CEP250: variants seen among roughly 807,000 people sequenced by gnomAD.
The protein encoded by CEP250 is centrosomal protein 250, also known as centrosome-associated protein CEP250.
A neutral mutation model predicts 315.7 loss-of-function variants in CEP250; 242 were observed. That is an observed-to-expected ratio of 0.77 (90% CI 0.69 to 0.85). The LOEUF (loss-of-function observed/expected upper bound fraction) is 0.85. Ranked by LOEUF, CEP250 falls within the 40% of genes least tolerant of loss-of-function variation. The pLI, the probability that CEP250 is intolerant of heterozygous loss-of-function variation, is 0.00. For missense variants in CEP250, 2,515 were observed against 2,886.4 expected (o/e 0.87, Z 2.95); for synonymous variants, 1,088 against 1,175.0 (o/e 0.93, Z 1.51).
At chr20:35,483,406 A>C (rs2063413742) in intron 20 of CEP250, among the ~76,000 whole-genome samples, 2 of 151,744 alleles carry the variant, frequency 1.3e-5, no homozygotes, top group African/African-American at 4.8e-5. Context: ...AGGCTGGAGT[A>C]TAATGATACA....
At chr20:35,492,518 T>C (rs2063725871) in intron 22 of CEP250, among the ~76,000 whole-genome samples, 2 of 151,916 alleles carry the variant, frequency 1.3e-5, no homozygotes, top group Admixed American at 1.3e-4. Context: ...ATGCCTGCCA[T>C]GTGAAGAACA....
chr20:35,492,526 A>G (rs956650271), intron 22 of CEP250, among the ~76,000 whole-genome samples: 2 of 152,206 alleles, frequency 1.3e-5, no homozygotes, highest in African/African-American at 2.4e-5. Context: ...CATGTGAAGA[A>G]CACTTTAGGC....
chr20:35,467,031 A>G lies in CEP250; in HGVS notation c.558A>G (p.Thr186=), dbSNP rs1291330849. Residue 186 remains threonine (T), a synonymous_variant, in exon 8 of 35, where the codon ACA becomes ACG. Coordinates refer to ENST00000397527, the MANE Select transcript of CEP250 (RefSeq NM_007186.6). ...TCAGTCTATGGCGGGAGGTTGTGACATTCCGACGCCACTTCCTGGAAATGA... is the reference window on the plus strand; with the variant it reads ...TCAGTCTATGGCGGGAGGTTGTGACGTTCCGACGCCACTTCCTGGAAATGA... The part of the protein sequence containing the change: ...RLLSLWREVV[T]FRRHFLEMKS... The G allele has an allele frequency of 2.5e-6, 4 of 1,613,820 alleles. No individual in the cohort carries two copies. Among genetic ancestry groups the G allele is most frequent in the African/African-American group, 2.7e-5 (2 of 74,906 alleles).
chr20:35,476,302 G>A (rs978033431), intron 15 of CEP250, 147 bp from the exon 16 acceptor site: 4 of 668,190 alleles, frequency 6.0e-6, no homozygotes, highest in Non-Finnish European at 1.0e-5. Context: ...ATGAATGAAT[G>A]AAGGGAAAAC....
intron 27 of CEP250, 25 bp from the exon 28 acceptor site, chr20:35,500,024 T>C: frequency 6.2e-7 from 1 of 1,613,794 alleles, no homozygotes; most frequent in East Asian, 2.2e-5. Flanking sequence ...GGAACTCACG[T>C]TTAGCCATGC....
At chr20:35,465,499 A>G (rs1003897690) in intron 5 of CEP250, among the ~76,000 whole-genome samples, 3 of 151,998 alleles carry the variant, frequency 2.0e-5, no homozygotes, top group Admixed American at 2.0e-4. Context: ...AGTTAAGGCC[A>G]TTAGTGAAAG....
Position 35,511,686 on chromosome 20 carries a change from C to T in CEP250, c.*60C>T, listed in dbSNP as rs1802260. 1 of 1,530,468 alleles carries T rather than the reference C, an allele frequency of 6.5e-7. No homozygotes were observed. Among genetic ancestry groups the T allele is most frequent in the Admixed American group, 2.0e-5 (1 of 50,284 alleles). 94.8% of individuals were successfully genotyped at this position (1,530,468 alleles called of 1,614,324 possible). ...TGTCATGGGTCATGGCCCCTCCGCA[C>T]ACCTACAGGTTTGCCAAAGGAAAAG... is the stretch of plus-strand genomic sequence containing the variant. On this transcript the variant is annotated 3_prime_UTR_variant, in exon 35 of 35. Transcript: ENST00000397527.
At position 35,455,717 on chromosome 20, in the gene CEP250, G is replaced by A. The variant is rs1188559029; in HGVS notation, c.-332G>A. 3 of 152,216 alleles carry A rather than the reference G, an allele frequency of 2.0e-5. No individual in the cohort carries two copies. Among genetic ancestry groups the A allele is most frequent in the Non-Finnish European group, 4.4e-5 (3 of 68,066 alleles). 9.4% of individuals were successfully genotyped at this position (152,216 alleles called of 1,614,324 possible). A position where few individuals can be genotyped will look rare whatever the true frequency, so the allele number is the denominator to read the frequency against. ...GCTTCTCGGTTTTTGCACTCGCTGT[G>A]CACCGAGTTACTTTCCCGGCCCCTC... On this transcript the variant is annotated 5_prime_UTR_variant, in exon 1 of 35. Transcript: ENST00000397527.
Position 35,462,330 on chromosome 20 carries a change from C to T in CEP250, c.-38C>T. 1 of 1,524,072 alleles carries T rather than the reference C, an allele frequency of 6.6e-7. No individual in the cohort carries two copies. Among genetic ancestry groups the T allele is most frequent in the Middle Eastern group, 2.0e-4 (1 of 4,968 alleles). 94.4% of individuals were successfully genotyped at this position (1,524,072 alleles called of 1,614,324 possible). ...CCTGCTGGGCGTGAACACCCTCTGG[C>T]TACCTAGGGACCTGTGGGCCTACCA... is the stretch of plus-strand genomic sequence containing the variant. On this transcript the variant is annotated 5_prime_UTR_variant, in exon 4 of 35. Coordinates refer to ENST00000397527, the MANE Select transcript of CEP250 (RefSeq NM_007186.6).
rs1343074460 is a variant in CEP250, at chr20:35,497,750, AG to A, written c.3340del (p.Glu1114ArgfsTer50). 2 of 1,558,352 alleles carry A rather than the reference AG, an allele frequency of 1.3e-6. No individual in the cohort carries two copies. The highest frequency in any genetic ancestry group is 1.9e-5 in the Admixed American group (1 of 51,840). On this transcript the variant is annotated frameshift_variant, in exon 26 of 35. Coordinates refer to ENST00000397527, the MANE Select transcript of CEP250 (RefSeq NM_007186.6). LOFTEE classifies it high-confidence loss of function. ...MELLRQEVKE[K>X]EADFLAQEAQ... ...TTACTAAGGCAAGAGGTGAAGGAAA[AG>A]GAGGCTGACTTTCTGGCCCAGGAAG...
chr20:35,476,982 G>A lies in CEP250; in HGVS notation c.1863+387G>A, dbSNP rs954212284. ...TCCTGCCTCAGCCTCCTGAGTAGCT[G>A]GGATTACAGGCATGTGTCACCACAC... is the stretch of plus-strand genomic sequence containing the variant. On this transcript the variant is annotated intron_variant, in intron 16 of 34. Coordinates refer to ENST00000397527, the MANE Select transcript of CEP250 (RefSeq NM_007186.6). Among the ~76,000 whole-genome samples the A allele has an allele frequency of 3.3e-5, 5 of 152,154 alleles. No individual in the cohort carries two copies. In the South Asian group the frequency reaches 6.2e-4, roughly 19 times the overall value.
chr20:35,491,895 CAA>C (rs34747030), intron 22 of CEP250, among the ~76,000 whole-genome samples: 2 of 63,926 alleles, frequency 3.1e-5, no homozygotes. Context: ...GAGCGAGTCT[CAA>C]AAAAAAAAAA....
chr20:35,487,193 C>T (rs777593518), intron 20 of CEP250, among the ~76,000 whole-genome samples: 6 of 152,234 alleles, frequency 3.9e-5, no homozygotes, highest in African/African-American at 7.2e-5. Context: ...GGAGGCCGCG[C>T]GTGGTGGCTC....
At chr20:35,472,178 A>G in intron 11 of CEP250, 27 bp downstream of exon 11, 1 of 1,394,032 alleles carries the variant, frequency 7.2e-7, no homozygotes, top group Middle Eastern at 1.8e-4. Context: ...TGTTCATGGT[A>G]ACCAGGTTAT....
Position 35,511,627 on chromosome 20 carries a change from C to T in CEP250, c.*1C>T. On this transcript the variant is annotated 3_prime_UTR_variant, in exon 35 of 35. Transcript: ENST00000397527. ...CACTACCCAAGCCGCCTCCAGGTAG[C>T]AGCCACAGCCAGGAGCACACAGACA... 1 of 1,606,458 alleles carries T rather than the reference C, an allele frequency of 6.2e-7. No individual in the cohort carries two copies. The highest frequency in any genetic ancestry group is 8.5e-7 in the Non-Finnish European group (1 of 1,175,584).
In CEP250 at chr20:35,507,736, A is replaced by G; in HGVS notation, c.6637-2A>G. 1.3e-6 allele frequency: 2 copies of G among 1,552,568 alleles called. No homozygotes were observed. Among genetic ancestry groups the G allele is most frequent in the Middle Eastern group, 1.7e-4 (1 of 5,994 alleles). On this transcript the variant is annotated splice_acceptor_variant, in intron 30 of 34. Coordinates refer to ENST00000397527, the MANE Select transcript of CEP250 (RefSeq NM_007186.6). LOFTEE classifies it high-confidence loss of function. ...ATTTTGCTCCATACCTCCGTACCCT[A>G]GGATGAACTGGAGCTCACCAGACGG...
chr20:35,497,855 A>G lies in CEP250; in HGVS notation c.3443A>G (p.Lys1148Arg). The G allele has an allele frequency of 6.3e-7, 1 of 1,589,932 alleles. No homozygotes were observed. Among genetic ancestry groups the G allele is most frequent in the Non-Finnish European group, 8.6e-7 (1 of 1,168,204 alleles). The change falls in exon 26 of 35, where the codon AAG (lysine) becomes AGG (arginine). Residue 1148 changes from lysine (K) to arginine (R), a missense_variant. Coordinates refer to ENST00000397527, the MANE Select transcript of CEP250 (RefSeq NM_007186.6). Reference protein sequence around the residue: ...LRASLWAQEAKAAQLQLRLRS... With the variant: ...LRASLWAQEARAAQLQLRLRS... ...GCCTCCTTGTGGGCCCAGGAAGCCA[A>G]GGCAGCCCAACTACAGCTGCGACTG...
Position 35,508,937 on chromosome 20 carries a change from T to C in CEP250, c.6907-6T>C, listed in dbSNP as rs1358629649. 1 of 1,550,932 alleles carries C rather than the reference T, an allele frequency of 6.4e-7. No homozygotes were observed. The highest frequency in any genetic ancestry group is 8.7e-7 in the Non-Finnish European group (1 of 1,146,678). On this transcript the variant is annotated splice_region_variant and splice_polypyrimidine_tract_variant and intron_variant, in intron 32 of 34. Transcript: ENST00000397527. ...GAGCCCTGATTTCTTATTTGCACCT[T>C]GGCAGGTGGAGCGAGAACGGAGGAA...
Position 35,478,001 on chromosome 20 carries a change from A to T in CEP250, c.1994A>T (p.Glu665Val). ...EALWEKNTHL[E>V]AQLQKAEEAG... ...CTGTGGGAAAAGAACACTCACCTGG[A>T]GGCTCAGCTGCAGAAAGCTGAGGAG... Residue 665 changes from glutamate (E) to valine (V), a missense_variant, in exon 17 of 35, where the codon GAG becomes GTG. Glu to Val is a moderately radical substitution (Grantham distance 121, BLOSUM62 -2). Coordinates refer to ENST00000397527, the MANE Select transcript of CEP250 (RefSeq NM_007186.6). 7 of 1,614,054 alleles carry T rather than the reference A, an allele frequency of 4.3e-6. No homozygotes were observed. The highest frequency in any genetic ancestry group is 5.9e-6 in the Non-Finnish European group (7 of 1,179,988).
Sources: allele counts gnomAD v4.1 joint callset (sites outside exome capture counted in the v4.1 genomes callset), GRCh38; gene constraint gnomAD v4.1.1; transcripts MANE v1.5; gene names NCBI Gene and HGNC (gene_info 2026-07-23, HGNC 2026-07-21).